The following SRGAP1 variants were observed in gnomAD, a reference collection of about 807,000 sequenced individuals.
SRGAP1 encodes the protein SLIT-ROBO Rho GTPase-activating protein 1.
SRGAP1 carries 43 observed loss-of-function variants against 121.9 expected under a neutral mutation model. The observed-to-expected ratio is 0.35, with a 90% CI of 0.28 to 0.46. The LOEUF is 0.46. SRGAP1 is among the 20% of genes least tolerant of loss of function. The pLI is 1.00. For synonymous variants in SRGAP1, 447 were observed against 485.4 expected, an observed-to-expected ratio of 0.92 and a Z score of 1.04; for missense variants, 1,102 against 1,350.9, an observed-to-expected ratio of 0.82 and a Z score of 2.89.
chr12:63,918,656 A>G (rs1418150718), intron 1 of SRGAP1, among the ~76,000 whole-genome samples: 1 of 152,210 alleles, frequency 6.6e-6, no homozygotes, highest in African/African-American at 2.4e-5. Flanking sequence ...GGCTCAAGCA[A>G]TCTGCCTACC....
intron 21 of SRGAP1, among the ~76,000 whole-genome samples, chr12:64,136,451 C>T (rs2036857687): frequency 6.6e-6 from 1 of 152,086 alleles, no homozygotes; most frequent in South Asian, 2.1e-4. Context: ...AGGCAACTTC[C>T]AGCTATCACT....
chr12:63,965,172 C>T (rs2032756356), intron 1 of SRGAP1, among the ~76,000 whole-genome samples: 2 of 152,098 alleles, frequency 1.3e-5, no homozygotes, highest in Non-Finnish European at 2.9e-5. Flanking sequence ...TTGGGAGGGG[C>T]CCAGTGACAG....
chr12:64,127,611 T>A lies in SRGAP1; in HGVS notation c.2427T>A (p.Thr809=). Residue 809 remains threonine (T), a synonymous_variant, in exon 20 of 22, where the codon ACT becomes ACA. Coordinates refer to ENST00000355086, the MANE Select transcript of SRGAP1 (RefSeq NM_020762.4). The part of the protein sequence containing the change: ...VQDMDDTFSD[T]LSQKADSEAS... ...TCAGGGATGATACGTTTTCAGACAC[T>A]CTGAGCCAAAAAGCCGACAGTGAGG... 1 of 1,614,042 alleles carries A rather than the reference T, an allele frequency of 6.2e-7. No homozygotes were observed. Among genetic ancestry groups the A allele is most frequent in the Non-Finnish European group, 8.5e-7 (1 of 1,179,994 alleles).
intron 1 of SRGAP1, among the ~76,000 whole-genome samples, chr12:63,934,537 C>G (rs191679244): frequency 6.6e-6 from 1 of 152,178 alleles, no homozygotes; most frequent in Non-Finnish European, 1.5e-5. Flanking sequence ...GCACAACCCA[C>G]TTTGCAACAA....
At chr12:64,026,198 C>T (rs916591738) in intron 4 of SRGAP1, among the ~76,000 whole-genome samples, 1 of 151,972 alleles carries the variant, frequency 6.6e-6, no homozygotes, top group African/African-American at 2.4e-5. Context: ...GTTTTATATC[C>T]AGAATCCTTC....
intron 8 of SRGAP1, among the ~76,000 whole-genome samples, chr12:64,074,196 C>T (rs2035694031): frequency 6.6e-6 from 1 of 152,160 alleles, no homozygotes; most frequent in Non-Finnish European, 1.5e-5. Flanking sequence ...CCCACTCTTA[C>T]TTCGTTAGAT....
intron 1 of SRGAP1, among the ~76,000 whole-genome samples, chr12:63,953,399 ATTTTTT>A (rs34352334): frequency 8.7e-6 from 1 of 114,696 alleles, no homozygotes; most frequent in Non-Finnish European, 1.8e-5. Context: ...TTCTTGATTG[ATTTTTT>A]TTTTTTTTTT....
intron 1 of SRGAP1, among the ~76,000 whole-genome samples, chr12:63,867,428 G>A (rs1592896806): frequency 6.6e-6 from 1 of 152,124 alleles, no homozygotes. Context: ...TTTACCAATA[G>A]CCACCTCTGT....
chr12:63,852,770 T>C (rs1472500530), intron 1 of SRGAP1, among the ~76,000 whole-genome samples: 2 of 152,156 alleles, frequency 1.3e-5, no homozygotes, highest in African/African-American at 4.8e-5. Context: ...TTGAGAAAAG[T>C]ATTTTCTTTT....
intron 8 of SRGAP1, among the ~76,000 whole-genome samples, chr12:64,072,108 CTGTGTGTG>C (rs66959510): frequency 1.5e-3 from 124 of 80,426 alleles, no homozygotes; most frequent in African/African-American, 2.3e-3. Context: ...CAATCTCTCT[CTGTGTGTG>C]TGTGTGTGTG....
rs1006160770 is a variant in SRGAP1, at chr12:64,152,934, A to C, written c.*10262A>C. ...TTTAAAAAAAAAAAAAAAAAAAAAA[A>C]AACCACTACATAAGCCAACAGCTAA... is the stretch of plus-strand genomic sequence containing the variant. On this transcript the variant is annotated 3_prime_UTR_variant, in exon 22 of 22. Transcript: ENST00000355086. The C allele has an allele frequency of 2.0e-5, 3 of 150,312 alleles. No homozygotes were observed. Among genetic ancestry groups the C allele is most frequent in the Non-Finnish European group, 4.4e-5 (3 of 67,826 alleles). The allele number at this position is 150,312 out of a possible 1,614,324, so 9.3% of individuals were successfully genotyped here.
chr12:63,986,666 G>T (rs759164455), intron 2 of SRGAP1, among the ~76,000 whole-genome samples: 1 of 152,200 alleles, frequency 6.6e-6, no homozygotes, highest in East Asian at 1.9e-4. Context: ...CAAGTGATCC[G>T]CCTGCCTCAG....
intron 1 of SRGAP1, among the ~76,000 whole-genome samples, chr12:63,857,458 T>G (rs1049234006): frequency 5.3e-5 from 8 of 152,016 alleles, no homozygotes; most frequent in Admixed American, 5.3e-4. Context: ...CTCGGCTCAC[T>G]GCAACCTCCG....
intron 4 of SRGAP1, chr12:64,032,459 G>A (rs2034802162): frequency 7.3e-6 from 6 of 820,776 alleles, no homozygotes; most frequent in Admixed American, 1.9e-5. Flanking sequence ...CCCCACCATT[G>A]GATTGCTTTG....
intron 8 of SRGAP1, among the ~76,000 whole-genome samples, chr12:64,067,396 C>T (rs768973314): frequency 2.9e-4 from 44 of 151,778 alleles, no homozygotes; most frequent in Non-Finnish European, 5.0e-4. Context: ...GGTGACAGAG[C>T]AGGACCCTGT....
intron 1 of SRGAP1, among the ~76,000 whole-genome samples, chr12:63,890,269 A>C (rs532445839): frequency 3.9e-5 from 6 of 152,310 alleles, no homozygotes; most frequent in African/African-American, 1.2e-4. Context: ...TACTTTAGAA[A>C]CAAGTGTAGC....
chr12:64,034,132 G>A (rs2034846922), intron 4 of SRGAP1, among the ~76,000 whole-genome samples: 1 of 152,224 alleles, frequency 6.6e-6, no homozygotes, highest in African/African-American at 2.4e-5. Flanking sequence ...GTAATACCCA[G>A]TGTTGGAGGT....
rs1555171583 is a variant in SRGAP1 at position 64,072,148 on chromosome 12, G to GT, written c.1126-6771_1126-6770insT. Among the ~76,000 whole-genome samples the GT allele has an allele frequency of 2.6e-3, 138 of 52,994 alleles. 6 individuals carry two copies. Among genetic ancestry groups the GT allele is most frequent in the Non-Finnish European group, 4.5e-3 (76 of 16,818 alleles). The allele number at this position is 52,994 out of a possible 152,430, so 34.8% of individuals were successfully genotyped here. A position where few individuals can be genotyped will look rare whatever the true frequency, so the allele number is the denominator to read the frequency against. On this transcript the variant is annotated intron_variant, in intron 8 of 21. Coordinates refer to ENST00000355086, the MANE Select transcript of SRGAP1 (RefSeq NM_020762.4). Reference sequence around the variant, plus strand: ...TGTGTGTGTGTGTGTGTGTGTGTGTGGGCGGCGGGGGGGGGCTCTTTCTGC... The same window carrying GT: ...TGTGTGTGTGTGTGTGTGTGTGTGTGTGGCGGCGGGGGGGGGCTCTTTCTGC...
At chr12:63,860,346 A>G (rs1018092521) in intron 1 of SRGAP1, among the ~76,000 whole-genome samples, 1 of 152,126 alleles carries the variant, frequency 6.6e-6, no homozygotes, top group Admixed American at 6.6e-5. Flanking sequence ...ACATAAGACT[A>G]TTTTATTTTT....
Sources: gnomAD v4.1 joint callset for allele counts (sites outside exome capture counted in the v4.1 genomes callset) on GRCh38, gnomAD v4.1.1 for gene constraint, MANE v1.5 for transcripts, NCBI Gene and HGNC (gene_info 2026-07-23, HGNC 2026-07-21) for gene names.